C3orf52: variants seen among roughly 807,000 people sequenced by gnomAD.
The protein encoded by C3orf52 is chromosome 3 open reading frame 52, also known as TPA-induced transmembrane protein.
A neutral mutation model predicts 24.8 loss-of-function variants in C3orf52; 22 were observed. The observed-to-expected ratio is 0.89, with a 90% CI of 0.63 to 1.27. The LOEUF is 1.27. Ranked by LOEUF, C3orf52 falls within the 50% of genes most tolerant of loss-of-function variation. The probability of loss-of-function intolerance (pLI) is 0.00; values close to 1 mark genes in which losing one functional copy is unlikely to be tolerated. For missense variants in C3orf52, 265 were observed against 260.7 expected (o/e 1.02, Z -0.11); for synonymous variants, 93 against 100.2 (o/e 0.93, Z 0.43).
intron 4 of C3orf52, chr3:112,125,173 T>A: frequency 8.8e-7 from 1 of 1,142,098 alleles, no homozygotes; most frequent in Non-Finnish European, 1.3e-6. Context: ...CCATTTAGGG[T>A]GTCTGTACTT....
Position 112,101,158 on chromosome 3 carries a change from T to G in C3orf52, c.269-1680T>G, listed in dbSNP as rs187357595. On this transcript the variant is annotated intron_variant, in intron 2 of 5. Transcript: ENST00000264848. ...GGGGGTCCCCAAGATTACTCCTAGA[T>G]TCAACAATTTGCTAGGAGGATACAC... Among the ~76,000 whole-genome samples, 407 of 152,294 alleles carry G rather than the reference T, an allele frequency of 2.7e-3. 10 individuals are homozygous for G. The highest frequency in any genetic ancestry group is 0.024 in the Admixed American group (374 of 15,298).
At chr3:112,132,785 G>A, downstream of C3orf52, 1 of 465,646 alleles carries the variant, frequency 2.1e-6, no homozygotes. Context: ...TCCTTCCCGG[G>A]CTTTCAGAAA....
At chr3:112,127,918 C>T in intron 4 of C3orf52, 2 of 949,828 alleles carry the variant, frequency 2.1e-6, no homozygotes, top group East Asian at 2.5e-5. Flanking sequence ...TACTGACAGG[C>T]TTCCACTGTG....
chr3:112,099,147 G>T (rs913106700), intron 2 of C3orf52, among the ~76,000 whole-genome samples: 1 of 152,062 alleles, frequency 6.6e-6, no homozygotes, highest in African/African-American at 2.4e-5. Flanking sequence ...TGCTATAATT[G>T]TAAGTTTCCT....
downstream of C3orf52, chr3:112,119,442 G>A: frequency 1.4e-6 from 1 of 702,890 alleles, no homozygotes; most frequent in South Asian, 1.5e-5. Flanking sequence ...AGAGTGGTCA[G>A]TATAATCAGA....
intron 3 of C3orf52, among the ~76,000 whole-genome samples, chr3:112,105,276 G>C (rs1317040452): frequency 1.3e-5 from 2 of 152,148 alleles, no homozygotes; most frequent in African/African-American, 2.4e-5. Context: ...CATTTTAAAA[G>C]AATTATCTTA....
intron 2 of C3orf52, among the ~76,000 whole-genome samples, chr3:112,101,089 A>G (rs1220774338): frequency 6.6e-6 from 1 of 152,138 alleles, no homozygotes; most frequent in Non-Finnish European, 1.5e-5. Context: ...ACATAATGTC[A>G]TGACTTATAA....
rs75753457 is a variant in C3orf52 at position 112,106,763 on chromosome 3, T to G, written c.397-2780T>G. Among the ~76,000 whole-genome samples, 85 of 152,308 alleles carry G rather than the reference T, an allele frequency of 5.6e-4. 1 individual carries two copies. In the East Asian group the frequency reaches 0.016, roughly 28 times the overall value. ...ATGTGTCACTGCCACAGTGTTTTCC[T>G]CTCAGGGTTGGGGCCATTACTCTGC... is the stretch of plus-strand genomic sequence containing the variant. On this transcript the variant is annotated intron_variant, in intron 3 of 5. Coordinates refer to ENST00000264848, the MANE Select transcript of C3orf52 (RefSeq NM_024616.3).
intron 3 of C3orf52, among the ~76,000 whole-genome samples, chr3:112,103,581 G>A (rs1371809054): frequency 1.3e-5 from 2 of 152,130 alleles, no homozygotes; most frequent in Non-Finnish European, 2.9e-5. Flanking sequence ...GCCTTCAGGG[G>A]TCTCACAGTC....
intron 3 of C3orf52, among the ~76,000 whole-genome samples, chr3:112,105,539 CGTGT>C (rs3082397): frequency 0.67 from 98,740 of 148,078 alleles, 35,244 homozygotes; most frequent in Non-Finnish European, 0.8. Context: ...CTTCTTTGGC[CGTGT>C]GTGTGTGTGT....
chr3:112,135,993 C>T, downstream of C3orf52, among the ~76,000 whole-genome samples: 1 of 152,170 alleles, frequency 6.6e-6, no homozygotes, highest in Non-Finnish European at 1.5e-5. Context: ...TCTCAGAGCA[C>T]ACACCCTAAT....
chr3:112,099,607 A>G (rs866845709), intron 2 of C3orf52, among the ~76,000 whole-genome samples: 1 of 152,354 alleles, frequency 6.6e-6, no homozygotes, highest in Middle Eastern at 3.4e-3. Flanking sequence ...TCATTTAAAA[A>G]TGAAAACAAC....
chr3:112,113,275 T>G (rs1443715995), intron 5 of C3orf52, 130 bp downstream of exon 5: 7 of 660,412 alleles, frequency 1.1e-5, no homozygotes, highest in Non-Finnish European at 2.6e-6. Context: ...ATTTATTCAC[T>G]CATCCCCTCA....
intron 5 of C3orf52, among the ~76,000 whole-genome samples, 183 bp from the exon 6 acceptor site, chr3:112,116,459 A>G (rs2074133893): frequency 6.6e-6 from 1 of 152,098 alleles, no homozygotes; most frequent in Non-Finnish European, 1.5e-5. Flanking sequence ...GCCTTTTGAA[A>G]TGTATTCAGA....
chr3:112,088,235 C>T (rs1287857158), intron 1 of C3orf52, among the ~76,000 whole-genome samples: 1 of 152,168 alleles, frequency 6.6e-6, no homozygotes, highest in Non-Finnish European at 1.5e-5. Context: ...GAACTAATCT[C>T]ATCTAATGTG....
intron 5 of C3orf52, 63 bp from the exon 6 acceptor site, chr3:112,116,579 C>CATTTAATA (rs1559976880): frequency 1.5e-6 from 2 of 1,340,182 alleles, no homozygotes; most frequent in African/African-American, 2.9e-5. Flanking sequence ...GAAATGAAAA[C>CATTTAATA]GTAAGCATTT....
chr3:112,100,363 G>GT lies in C3orf52; in HGVS notation c.269-2469dup, dbSNP rs149715798. On this transcript the variant is annotated intron_variant, in intron 2 of 5. Transcript: ENST00000264848. ...ATGTTTTTGTGATTTTTAAAAATAT[G>GT]TTTTTTCTACACGAATAAGTATAGC... 7.1e-3 allele frequency among the ~76,000 whole-genome samples: 1,086 copies of GT among 152,246 alleles called. 11 individuals are homozygous for GT. The highest frequency in any genetic ancestry group is 0.024 in the African/African-American group (981 of 41,530).
At chr3:112,108,564 T>C (rs1035099522) in intron 3 of C3orf52, among the ~76,000 whole-genome samples, 8 of 152,216 alleles carry the variant, frequency 5.3e-5, no homozygotes, top group Non-Finnish European at 1.2e-4. Flanking sequence ...TGGGGAAAAT[T>C]GAGAATAGTG....
intron 1 of C3orf52, among the ~76,000 whole-genome samples, chr3:112,089,388 T>A (rs1289141163): frequency 6.6e-6 from 1 of 151,590 alleles, no homozygotes; most frequent in Non-Finnish European, 1.5e-5. Context: ...ATTAGCCGGG[T>A]GTGGTGGCGC....
Sources: gnomAD v4.1 joint callset for allele counts (sites outside exome capture counted in the v4.1 genomes callset) on GRCh38, gnomAD v4.1.1 for gene constraint, MANE v1.5 for transcripts, NCBI Gene and HGNC (gene_info 2026-07-23, HGNC 2026-07-21) for gene names.